Variants in NCALD observed in about 807,000 individuals in gnomAD.
The protein encoded by NCALD is neurocalcin-delta.
Under a neutral mutation model 18.6 loss-of-function variants are expected in NCALD, and 10 were observed. The observed-to-expected ratio is 0.54, with a 90% CI of 0.33 to 0.91. NCALD has a LOEUF of 0.91. Among genes scored for constraint, NCALD ranks in the 40% least tolerant of loss-of-function variants. The pLI is 0.03. For synonymous variants in NCALD, 88 were observed against 87.4 expected (o/e 1.01, Z -0.04); for missense variants, 184 against 247.6 (o/e 0.74, Z 1.72).
chr8:101,921,485 C>T (rs1352512901), intron 2 of NCALD, among the ~76,000 whole-genome samples: 1 of 152,036 alleles, frequency 6.6e-6, no homozygotes, highest in African/African-American at 2.4e-5. Flanking sequence ...TGGTGATGTA[C>T]CAATAACTAC....
intron 2 of NCALD, among the ~76,000 whole-genome samples, chr8:101,714,847 AT>A (rs1248612207): frequency 6.6e-6 from 1 of 150,746 alleles, no homozygotes; most frequent in Admixed American, 6.6e-5. Flanking sequence ...ATACAAAAAA[AT>A]TAGCCGGGCG....
At position 101,705,823 on chromosome 8, in the gene NCALD, G is replaced by C. The variant is rs180747789; in HGVS notation, c.379-12927C>G. On this transcript the variant is annotated intron_variant, in intron 2 of 3. Transcript: ENST00000220931. ...GCTGCTCCAGCTCCCAGGCAATTTC[G>C]AGCCACCCCAGCTGATGCTGCATGG... Among the ~76,000 whole-genome samples, 497 of 152,264 alleles carry C rather than the reference G, an allele frequency of 3.3e-3. 4 individuals carry two copies. The highest frequency in any genetic ancestry group is 0.01 in the Middle Eastern group (3 of 294).
chr8:101,775,316 C>A (rs1044898749), intron 1 of NCALD, among the ~76,000 whole-genome samples: 3 of 152,190 alleles, frequency 2.0e-5, no homozygotes, highest in Admixed American at 6.5e-5. Context: ...TATGTGCCAA[C>A]CGCACATGTG....
At chr8:102,078,372 C>G (rs1214102329) in intron 1 of NCALD, among the ~76,000 whole-genome samples, 1 of 152,184 alleles carries the variant, frequency 6.6e-6, no homozygotes, top group African/African-American at 2.4e-5. Context: ...CTATTTTTCA[C>G]ACAGCCACCA....
intron 1 of NCALD, among the ~76,000 whole-genome samples, chr8:102,074,345 A>C (rs1824274603): frequency 6.6e-6 from 1 of 152,186 alleles, no homozygotes; most frequent in Admixed American, 6.5e-5. Context: ...TAAGAAGGGG[A>C]AAATGGCACC....
At chr8:101,747,241 A>G (rs757615075) in intron 1 of NCALD, among the ~76,000 whole-genome samples, 17 of 152,194 alleles carry the variant, frequency 1.1e-4, no homozygotes, top group Non-Finnish European at 2.1e-4. Flanking sequence ...GGTCTAAGCC[A>G]ATGATAGTGG....
At chr8:101,718,901 A>C (rs1816215288) in intron 2 of NCALD, among the ~76,000 whole-genome samples, 1 of 152,234 alleles carries the variant, frequency 6.6e-6, no homozygotes, top group Admixed American at 6.5e-5. Context: ...AAGAGTCTTC[A>C]TCTGTATGGT....
chr8:101,931,785 CTCTTT>C (rs1453944709), intron 2 of NCALD, among the ~76,000 whole-genome samples: 1 of 152,154 alleles, frequency 6.6e-6, no homozygotes, highest in African/African-American at 2.4e-5. Flanking sequence ...TACACATTAT[CTCTTT>C]TATTTCACAA....
intron 1 of NCALD, among the ~76,000 whole-genome samples, chr8:101,784,934 CA>C (rs150308607): frequency 0.027 from 4,177 of 152,248 alleles, 91 homozygotes; most frequent in Middle Eastern, 0.048. Context: ...TCATTGACAA[CA>C]AAACCAATTA....
At chr8:101,743,225 G>A (rs1474372538) in intron 1 of NCALD, among the ~76,000 whole-genome samples, 2 of 152,014 alleles carry the variant, frequency 1.3e-5, no homozygotes, top group African/African-American at 4.8e-5. Context: ...CTCCCTTTCA[G>A]TTATTTCACA....
intron 2 of NCALD, among the ~76,000 whole-genome samples, chr8:101,700,747 T>G (rs1007887942): frequency 6.6e-6 from 1 of 152,208 alleles, no homozygotes; most frequent in African/African-American, 2.4e-5. Context: ...CTTCCAGTCT[T>G]GCTATTCAGT....
At chr8:101,811,734 G>A (rs576072164) in intron 4 of NCALD, among the ~76,000 whole-genome samples, 1 of 152,276 alleles carries the variant, frequency 6.6e-6, no homozygotes, top group African/African-American at 2.4e-5. Context: ...AGCTGGGAGT[G>A]AACCCATTAC....
rs144858701 is a variant in NCALD, at chr8:101,831,288, A to T, written c.-20+55853T>A. On this transcript the variant is annotated intron_variant, in intron 4 of 6. Coordinates refer to the NCALD transcript ENST00000311028. ...AATTCCTCCTAAGGTTGCCATGAGG[A>T]TCAAATAAGAATGGTCTATAAATCA... is the stretch of plus-strand genomic sequence containing the variant. 5.9e-5 allele frequency among the ~76,000 whole-genome samples: 9 copies of T among 152,238 alleles called. No homozygotes were observed. In the East Asian group the frequency reaches 1.7e-3, roughly 29 times the overall value.
chr8:101,949,164 T>A (rs891318108), intron 2 of NCALD, among the ~76,000 whole-genome samples: 1 of 152,342 alleles, frequency 6.6e-6, no homozygotes, highest in South Asian at 2.1e-4. Flanking sequence ...TGTATTTGCA[T>A]AGAACTTTCA....
intron 2 of NCALD, among the ~76,000 whole-genome samples, chr8:101,951,358 T>G (rs200684402): frequency 6.6e-6 from 1 of 152,166 alleles, no homozygotes; most frequent in Non-Finnish European, 1.5e-5. Context: ...AGCATGCTGA[T>G]GGAGGCAACT....
At chr8:101,975,069 T>G (rs975145595) in intron 2 of NCALD, among the ~76,000 whole-genome samples, 2 of 152,180 alleles carry the variant, frequency 1.3e-5, no homozygotes, top group African/African-American at 4.8e-5. Context: ...AAATGAAATA[T>G]TATAAAGATA....
intron 2 of NCALD, among the ~76,000 whole-genome samples, chr8:101,970,835 C>T (rs1052790799): frequency 2.6e-5 from 4 of 152,154 alleles, no homozygotes; most frequent in South Asian, 2.1e-4. Context: ...TTTTCTGCTC[C>T]AATACTCAGG....
intron 1 of NCALD, among the ~76,000 whole-genome samples, chr8:102,090,766 G>T (rs946721781): frequency 2.6e-5 from 4 of 152,136 alleles, no homozygotes; most frequent in Admixed American, 2.6e-4. Flanking sequence ...CTAGTTGTGA[G>T]TATTCTTAAT....
intron 2 of NCALD, among the ~76,000 whole-genome samples, chr8:101,943,835 G>A (rs137941075): frequency 0.027 from 4,110 of 152,142 alleles, 203 homozygotes; most frequent in African/African-American, 0.093. Flanking sequence ...CAGTTACTCG[G>A]GAGGCTGAGG....
Sources: gnomAD v4.1 joint callset for allele counts (sites outside exome capture counted in the v4.1 genomes callset) on GRCh38, gnomAD v4.1.1 for gene constraint, MANE v1.5 for transcripts, NCBI Gene and HGNC (gene_info 2026-07-23, HGNC 2026-07-21) for gene names.